Variants in DENND4A observed in about 807,000 individuals in gnomAD.
DENND4A encodes the protein C-myc promoter-binding protein.
Under a neutral mutation model 199.3 loss-of-function variants are expected in DENND4A, and 70 were observed. That is an observed-to-expected ratio of 0.35 (90% CI 0.29 to 0.43). DENND4A has a LOEUF of 0.43. Ranked by LOEUF, DENND4A falls within the 20% of genes least tolerant of loss-of-function variation. DENND4A has a pLI of 1.00. For synonymous variants in DENND4A, 686 were observed against 766.9 expected, an observed-to-expected ratio of 0.89 and a Z score of 1.74; for missense variants, 1,723 against 2,255.8, an observed-to-expected ratio of 0.76 and a Z score of 4.78.
rs533909135 is a variant in DENND4A, at chr15:65,779,815, A to G, written c.-102+12195T>C. Among the ~76,000 whole-genome samples, 4 of 152,184 alleles carry G rather than the reference A, an allele frequency of 2.6e-5. No individual in the cohort carries two copies. In the East Asian group the frequency reaches 5.8e-4, roughly 22 times the overall value. On this transcript the variant is annotated intron_variant, in intron 1 of 32. Transcript: ENST00000443035. Reference sequence around the variant, plus strand: ...CAGGCATATACCACCATGCCCAGCTAATTTTTGTATTTTTAGTAGAGATGG... The same window carrying G: ...CAGGCATATACCACCATGCCCAGCTGATTTTTGTATTTTTAGTAGAGATGG...
chr15:65,698,046 G>A (rs1389299211), intron 20 of DENND4A, among the ~76,000 whole-genome samples: 2 of 152,034 alleles, frequency 1.3e-5, no homozygotes, highest in Admixed American at 6.6e-5. Flanking sequence ...GAGCCCAGGA[G>A]TTTGAGACCA....
chr15:65,762,636 T>A (rs746815188), intron 1 of DENND4A, among the ~76,000 whole-genome samples: 9 of 152,014 alleles, frequency 5.9e-5, no homozygotes, highest in Non-Finnish European at 1.3e-4. Context: ...CTCCAATGAA[T>A]GAATGAATGA....
In DENND4A at chr15:65,746,365, T is replaced by TTCTCTCTC. The variant is rs1567070832; in HGVS notation, c.562-4582_562-4581insGAGAGAGA. Among the ~76,000 whole-genome samples the TTCTCTCTC allele has an allele frequency of 1.1e-3, 154 of 138,180 alleles. 1 individual carries two copies. Among genetic ancestry groups the TTCTCTCTC allele is most frequent in the African/African-American group, 4.4e-3 (151 of 34,296 alleles). 90.7% of individuals were successfully genotyped at this position (138,180 alleles called of 152,430 possible). On this transcript the variant is annotated intron_variant, in intron 4 of 32. Coordinates refer to ENST00000443035, the MANE Select transcript of DENND4A (RefSeq NM_001320835.1). ...TTCCCTTGTTAACAATTCTACTTTT[T>TTCTCTCTC]TCTCTTTTTTTTTTTTTTTTTTTTT...
At chr15:65,700,696 G>A in intron 19 of DENND4A, 21 bp from the exon 20 acceptor site, 1 of 1,516,780 alleles carries the variant, frequency 6.6e-7, no homozygotes, top group South Asian at 1.3e-5. Flanking sequence ...CAATTTGACA[G>A]CATTTTACTA....
At chr15:65,699,567 A>G (rs1041666783) in intron 20 of DENND4A, among the ~76,000 whole-genome samples, 1 of 150,226 alleles carries the variant, frequency 6.7e-6, no homozygotes, top group Admixed American at 6.7e-5. Flanking sequence ...ATATAATTCT[A>G]TATACACATA....
At chr15:65,676,677 G>A in intron 23 of DENND4A, 43 bp from the exon 24 acceptor site, 1 of 1,477,526 alleles carries the variant, frequency 6.8e-7, no homozygotes, top group Non-Finnish European at 9.1e-7. Context: ...ACATTTAAAG[G>A]TAATTAATTA....
intron 30 of DENND4A, 74 bp downstream of exon 30, chr15:65,665,271 T>G: frequency 2.7e-6 from 3 of 1,130,408 alleles, no homozygotes; most frequent in Non-Finnish European, 3.9e-6. Flanking sequence ...CAGTTATACA[T>G]TGGTTTATGC....
At chr15:65,756,866 T>C (rs1195968492) in intron 2 of DENND4A, among the ~76,000 whole-genome samples, 1 of 152,066 alleles carries the variant, frequency 6.6e-6, no homozygotes, top group African/African-American at 2.4e-5. Context: ...TGAAACCTTG[T>C]CTCTACTAAA....
chr15:65,776,133 T>C (rs954021387), intron 1 of DENND4A, among the ~76,000 whole-genome samples: 3 of 152,200 alleles, frequency 2.0e-5, no homozygotes, highest in Non-Finnish European at 4.4e-5. Context: ...ACATCTATTC[T>C]TCTCAACTAG....
At chr15:65,684,596 T>G (rs952990497) in intron 23 of DENND4A, among the ~76,000 whole-genome samples, 1 of 152,218 alleles carries the variant, frequency 6.6e-6, no homozygotes, top group Non-Finnish European at 1.5e-5. Flanking sequence ...GTTTGTATAT[T>G]ATGGATTCAA....
At chr15:65,672,232 A>G (rs2076239776) in intron 24 of DENND4A, among the ~76,000 whole-genome samples, 1 of 152,224 alleles carries the variant, frequency 6.6e-6, no homozygotes, top group Admixed American at 6.5e-5. Flanking sequence ...AATACAGGAA[A>G]GTATTTAGTT....
At chr15:65,777,472 C>T (rs960916603) in intron 1 of DENND4A, among the ~76,000 whole-genome samples, 1 of 151,964 alleles carries the variant, frequency 6.6e-6, no homozygotes. Context: ...CCAGCCTCAG[C>T]CTCCCAAGTA....
In DENND4A at chr15:65,702,373, T is replaced by A. The variant is rs1281039414; in HGVS notation, c.2362A>T (p.Arg788Trp). 7.1e-6 allele frequency: 11 copies of A among 1,555,970 alleles called. No homozygotes were observed. The East Asian group carries it at 2.7e-4, about 38-fold the overall frequency. ...AYVKVCHSKV[R>W]ALKTAYDVLK... ...ACATCATATGCTGTTTTCAGAGCCCTGACTTTTGAATGACAGACTTTCACA... is the reference window on the plus strand; with the variant it reads ...ACATCATATGCTGTTTTCAGAGCCCAGACTTTTGAATGACAGACTTTCACA... Residue 788 changes from arginine (R) to tryptophan (W), a missense_variant, in exon 17 of 33, where the codon AGG (arginine) becomes TGG (tryptophan). Physicochemically the swap from Arg to Trp is moderately radical, Grantham distance 101. This residue lies in a region of DENND4A where 725 missense variants were observed against 952.9 expected (regional missense o/e 0.76). Coordinates refer to ENST00000443035, the MANE Select transcript of DENND4A (RefSeq NM_001320835.1).
At chr15:65,725,374 AG>A (rs1304777032) in intron 11 of DENND4A, among the ~76,000 whole-genome samples, 1 of 152,208 alleles carries the variant, frequency 6.6e-6, no homozygotes, top group Non-Finnish European at 1.5e-5. Flanking sequence ...CCTTGTCAGA[AG>A]GGTTAATAAG....
intron 27 of DENND4A, 48 bp from the exon 28 acceptor site, chr15:65,668,171 T>A: frequency 7.3e-7 from 1 of 1,367,210 alleles, no homozygotes; most frequent in Non-Finnish European, 9.9e-7. Flanking sequence ...TAGATTTACT[T>A]TACTTCATCA....
chr15:65,748,454 C>T (rs1012925994), intron 4 of DENND4A, among the ~76,000 whole-genome samples: 3 of 151,592 alleles, frequency 2.0e-5, no homozygotes, highest in Non-Finnish European at 2.9e-5. Flanking sequence ...CCAATATCTA[C>T]AAAAAATTTT....
chr15:65,780,950 T>C (rs772903013), intron 1 of DENND4A, among the ~76,000 whole-genome samples: 19 of 152,210 alleles, frequency 1.2e-4, no homozygotes, highest in Non-Finnish European at 2.2e-4. Flanking sequence ...GTCTGGGTGC[T>C]TGAGCTATAA....
intron 25 of DENND4A, among the ~76,000 whole-genome samples, chr15:65,671,029 G>A (rs1489326530): frequency 6.6e-6 from 1 of 152,060 alleles, no homozygotes; most frequent in Non-Finnish European, 1.5e-5. Context: ...ACCCAGCAGA[G>A]ACCTACGTCA....
chr15:65,687,748 C>G (rs757318551), intron 23 of DENND4A, among the ~76,000 whole-genome samples: 1 of 151,936 alleles, frequency 6.6e-6, no homozygotes, highest in Admixed American at 6.6e-5. Context: ...TTTATGGCTC[C>G]GTAGGTAATG....
Sources: gnomAD v4.1 joint callset for allele counts (sites outside exome capture counted in the v4.1 genomes callset) on GRCh38, gnomAD v4.1.1 for gene constraint, gnomAD v4.1.1 regional missense constraint, MANE v1.5 for transcripts, NCBI Gene and HGNC (gene_info 2026-07-23, HGNC 2026-07-21) for gene names.